Variants in UBR4 observed in about 807,000 individuals in gnomAD.
UBR4 encodes the protein ubiquitin protein ligase E3 component n-recognin 4.
A neutral mutation model predicts 575.6 loss-of-function variants in UBR4; 124 were observed. The ratio of observed to expected loss-of-function variants is 0.22; its 90% CI spans 0.19 to 0.25. The LOEUF (loss-of-function observed/expected upper bound fraction) is 0.25. Ranked by LOEUF, UBR4 falls within the 10% of genes least tolerant of loss-of-function variation. The pLI is 1.00. For synonymous variants in UBR4, 2,455 were observed against 2,473.7 expected (o/e 0.99, Z 0.22); for missense variants, 4,818 against 6,478.8 (o/e 0.74, Z 8.80).
intron 67 of UBR4, among the ~76,000 whole-genome samples, 160 bp downstream of exon 67, chr1:19,121,772 CTT>C (rs993741701): frequency 2.6e-5 from 4 of 152,116 alleles, no homozygotes; most frequent in South Asian, 2.1e-4. Context: ...CCTCACCACT[CTT>C]TTAGATTTTT....
rs573281506 is a variant in UBR4, at chr1:19,101,381, G to A, written c.13023+139C>T. On this transcript the variant is annotated intron_variant, in intron 88 of 105. Transcript: ENST00000375254. ...TATGAGGTTGCTTCACTTTTATGGC[G>A]GTGGATCTTCTTTCACTAATGACTA... 1.8e-4 allele frequency: 227 copies of A among 1,228,648 alleles called. No homozygotes were observed. The African/African-American group carries it at 2.8e-3, about 15-fold the overall frequency. The allele number at this position is 1,228,648 out of a possible 1,614,324, so 76.1% of individuals were successfully genotyped here.
intron 22 of UBR4, among the ~76,000 whole-genome samples, chr1:19,174,048 CA>C: frequency 6.6e-6 from 1 of 152,196 alleles, no homozygotes; most frequent in African/African-American, 2.4e-5. Context: ...TATCACACAT[CA>C]ACCAGTATTG....
Position 19,100,647 on chromosome 1 carries a change from T to C in UBR4, c.13024-74A>G, listed in dbSNP as rs1031656909. 5.5e-6 allele frequency: 8 copies of C among 1,461,664 alleles called. No homozygotes were observed. The African/African-American group carries it at 7.0e-5, about 13-fold the overall frequency. 90.5% of individuals were successfully genotyped at this position (1,461,664 alleles called of 1,614,324 possible). Reference sequence around the variant, plus strand: ...ATTTATACCATGCTACCTTGTTCCATGGACACTCGAGGAAAACACACCAAA... The same window carrying C: ...ATTTATACCATGCTACCTTGTTCCACGGACACTCGAGGAAAACACACCAAA... On this transcript the variant is annotated intron_variant, in intron 88 of 105. Coordinates refer to ENST00000375254, the MANE Select transcript of UBR4 (RefSeq NM_020765.3). The surrounding 1 kb of genome is among the most constrained non-coding windows in gnomAD (Gnocchi z 4.2).
intron 25 of UBR4, among the ~76,000 whole-genome samples, chr1:19,171,368 C>T (rs2089508323): frequency 6.6e-6 from 1 of 152,112 alleles, no homozygotes; most frequent in Admixed American, 6.5e-5. Context: ...CTGCCATAAC[C>T]CTAGCACCTA....
intron 90 of UBR4, among the ~76,000 whole-genome samples, chr1:19,098,398 G>A (rs1399790996): frequency 1.3e-5 from 2 of 152,228 alleles, no homozygotes; most frequent in Non-Finnish European, 2.9e-5. Context: ...ACTGGATTAA[G>A]CACATCAATG....
chr1:19,140,533 A>G (rs2083757087), intron 58 of UBR4, among the ~76,000 whole-genome samples: 1 of 152,260 alleles, frequency 6.6e-6, no homozygotes, highest in South Asian at 2.1e-4. Context: ...ATCAGCCTGC[A>G]TGCCGCTCTC....
At chr1:19,132,605 T>A (rs377568375) in intron 60 of UBR4, among the ~76,000 whole-genome samples, 430 of 23,866 alleles carry the variant, frequency 0.018, no homozygotes, top group Middle Eastern at 0.028. Flanking sequence ...TAAAAAATGG[T>A]AAAAAAAAAA....
At chr1:19,195,187 A>G (rs1381775936) in intron 8 of UBR4, among the ~76,000 whole-genome samples, 1 of 151,244 alleles carries the variant, frequency 6.6e-6, no homozygotes, top group Non-Finnish European at 1.5e-5. Context: ...ATGGCGTGAA[A>G]CCAGGAGGTG....
rs1000708307 is a variant in UBR4, at chr1:19,174,968, G to C, written c.2839C>G (p.Arg947Gly). ...SPEASEDDLN[R>G]LDSVACDVLF... ...ATTCCTAGTACCACAGAATCAAGTC[G>C]GTTCAAATCATCCTCTGAGGCTTCT... is the stretch of plus-strand genomic sequence containing the variant. The change falls in exon 21 of 106, where the codon CGA becomes GGA. Residue 947 changes from arginine (R) to glycine (G), a missense_variant. Transcript: ENST00000375254. 6.2e-7 allele frequency: 1 copy of C among 1,613,760 alleles called. No homozygotes were observed. The highest frequency in any genetic ancestry group is 8.5e-7 in the Non-Finnish European group (1 of 1,179,832).
At chr1:19,149,306 C>T (rs1332179598) in intron 49 of UBR4, among the ~76,000 whole-genome samples, 1 of 152,098 alleles carries the variant, frequency 6.6e-6, no homozygotes, top group Admixed American at 6.5e-5. Flanking sequence ...AGCTGAAGCT[C>T]TGGACAGAGA....
In UBR4 at chr1:19,141,653, C is replaced by T. The variant is rs769784665; in HGVS notation, c.8304G>A (p.Glu2768=). The T allele has an allele frequency of 4.3e-6, 7 of 1,614,002 alleles. No individual in the cohort carries two copies. In the Admixed American group the frequency reaches 8.3e-5, roughly 19 times the overall value. ...EQSEVDHGDF[E]MVSESMVLET... The stretch of plus-strand genomic sequence containing the variant: ...CCTGCTGCCAGAGACTCACCACCAT[C>T]TCAAAATCTCCATGGTCCACCTCAC... The change falls in exon 56 of 106, where the codon GAG becomes GAA. Residue 2768 remains glutamate (E), a synonymous_variant. Coordinates refer to ENST00000375254, the MANE Select transcript of UBR4 (RefSeq NM_020765.3).
intron 102 of UBR4, chr1:19,081,817 T>C: frequency 1.4e-6 from 1 of 695,738 alleles, no homozygotes; most frequent in Non-Finnish European, 2.7e-6. Context: ...GTCTAGCTCC[T>C]ACCCCAGCTC....
In UBR4 at chr1:19,105,842, C is replaced by T; in HGVS notation, c.12394G>A (p.Val4132Met). The change falls in exon 84 of 106, where the codon GTG becomes ATG. Residue 4132 changes from valine (V) to methionine (M), a missense_variant and splice_region_variant. This residue lies in a region of UBR4 where 178 missense variants were observed against 175.5 expected (regional missense o/e 1.01). Coordinates refer to ENST00000375254, the MANE Select transcript of UBR4 (RefSeq NM_020765.3). ...KLGHNNWLRQVLFTPATQAAR... is the reference protein window; with the variant it reads ...KLGHNNWLRQMLFTPATQAAR... ...GCCTGCGTTGCTGGAGTGAAAAGCACCTGCAGGACAGGGGAGAGAAGGGGT... is the reference window on the plus strand; with the variant it reads ...GCCTGCGTTGCTGGAGTGAAAAGCATCTGCAGGACAGGGGAGAGAAGGGGT... The T allele has an allele frequency of 6.3e-7, 1 of 1,590,822 alleles. No homozygotes were observed. Among genetic ancestry groups the T allele is most frequent in the Non-Finnish European group, 8.5e-7 (1 of 1,171,180 alleles).
chr1:19,199,065 G>C (rs1283489752), intron 3 of UBR4, 137 bp from the exon 4 acceptor site: 1 of 966,794 alleles, frequency 1.0e-6, no homozygotes, highest in Non-Finnish European at 1.5e-6. Flanking sequence ...ACTGCAAGCT[G>C]ATGTCCTTAG....
intron 18 of UBR4, 149 bp from the exon 19 acceptor site, chr1:19,177,892 A>T (rs1267177482): frequency 5.7e-6 from 6 of 1,045,192 alleles, no homozygotes. Flanking sequence ...GGTAAAGACA[A>T]GACAGAAACT....
intron 97 of UBR4, among the ~76,000 whole-genome samples, chr1:19,091,938 T>TA (rs746474642): frequency 1.3e-5 from 2 of 150,286 alleles, no homozygotes; most frequent in Non-Finnish European, 3.0e-5. Flanking sequence ...GGTGAACAGT[T>TA]AAACAAACCT....
At chr1:19,126,701 A>T in intron 63 of UBR4, 46 bp from the exon 64 acceptor site, 2 of 1,595,084 alleles carry the variant, frequency 1.3e-6, no homozygotes, top group Non-Finnish European at 1.7e-6. Context: ...GGCTTGTAAA[A>T]ACAATGTGAA....
At position 19,196,015 on chromosome 1, in the gene UBR4, CACAA is replaced by C. The variant is rs1181467881; in HGVS notation, c.1018+1122_1018+1125del. 3.9e-3 allele frequency among the ~76,000 whole-genome samples: 511 copies of C among 130,404 alleles called. 4 individuals are homozygous for C. The highest frequency in any genetic ancestry group is 0.012 in the African/African-American group (448 of 37,334). 85.6% of individuals were successfully genotyped at this position (130,404 alleles called of 152,430 possible). ...ACACACACACACACACACACACACA[CACAA>C]ACTTACGTAGTATGTTCCCCCAAAC... On this transcript the variant is annotated intron_variant, in intron 8 of 105. Transcript: ENST00000375254.
At chr1:19,082,409 C>G (rs997201576) in intron 102 of UBR4, among the ~76,000 whole-genome samples, 2 of 152,214 alleles carry the variant, frequency 1.3e-5, no homozygotes, top group Non-Finnish European at 2.9e-5. Flanking sequence ...TGTTCTGAAG[C>G]CAGGTAGCCT....
Sources: allele counts gnomAD v4.1 joint callset (sites outside exome capture counted in the v4.1 genomes callset), GRCh38; gene constraint gnomAD v4.1.1; regional missense constraint gnomAD v4.1.1; non-coding constraint Gnocchi (gnomAD v3.1); transcripts MANE v1.5; gene names NCBI Gene and HGNC (gene_info 2026-07-23, HGNC 2026-07-21).